MAST1: variants seen among roughly 807,000 people sequenced by gnomAD.
MAST1 encodes microtubule-associated serine/threonine-protein kinase 1.
A neutral mutation model predicts 124.6 loss-of-function variants in MAST1; 40 were observed. That is an observed-to-expected ratio of 0.32 (90% CI 0.25 to 0.42). The LOEUF (loss-of-function observed/expected upper bound fraction) is 0.42. Among genes scored for constraint, MAST1 ranks in the 10% least tolerant of loss-of-function variants. The pLI is 1.00. For missense variants in MAST1, 1,558 were observed against 2,181.9 expected (o/e 0.71, Z 5.70); for synonymous variants, 938 against 939.4 (o/e 1.00, Z 0.03).
intron 7 of MAST1, among the ~76,000 whole-genome samples, chr19:12,849,860 C>G (rs557795532): frequency 6.6e-6 from 1 of 151,646 alleles, no homozygotes; most frequent in Admixed American, 6.6e-5. Flanking sequence ...TGCAGTGGTG[C>G]GATTTTGGCT....
At position 12,840,605 on chromosome 19, in the gene MAST1, G is replaced by A. The variant is rs537663996; in HGVS notation, c.172+71G>A. On this transcript the variant is annotated intron_variant, in intron 2 of 25. Transcript: ENST00000251472. ...TAGGCGGGGCCTCAGGCGAGGAAGC[G>A]TGGTCATGCTACAGAAGGGGCGCAG... is the stretch of plus-strand genomic sequence containing the variant. 12 of 1,149,378 alleles carry A rather than the reference G, an allele frequency of 1.0e-5. No individual in the cohort carries two copies. In the Admixed American group the frequency reaches 2.2e-4, roughly 21 times the overall value. The allele number at this position is 1,149,378 out of a possible 1,614,324, so 71.2% of individuals were successfully genotyped here. A position where few individuals can be genotyped will look rare whatever the true frequency, so the allele number is the denominator to read the frequency against.
chr19:12,846,155 T>C (rs1257006879), intron 4 of MAST1, among the ~76,000 whole-genome samples: 3 of 152,112 alleles, frequency 2.0e-5, no homozygotes, highest in Non-Finnish European at 2.9e-5. Flanking sequence ...TGAGCCATGA[T>C]TGTACTACAT....
chr19:12,859,861 T>C (rs916308672), intron 12 of MAST1, among the ~76,000 whole-genome samples: 1 of 151,712 alleles, frequency 6.6e-6, no homozygotes, highest in Non-Finnish European at 1.5e-5. Flanking sequence ...TGTTTTTTGT[T>C]TTTTTTTGTT....
chr19:12,843,639 G>A lies in MAST1; in HGVS notation c.327+32G>A. The A allele has an allele frequency of 6.2e-7, 1 of 1,601,564 alleles. No homozygotes were observed. Among genetic ancestry groups the A allele is most frequent in the Non-Finnish European group, 8.5e-7 (1 of 1,171,198 alleles). ...GTGGAAAGTAGGTGGGTGGGCCGGTGGGTAAGGAATTCAGGGGCCCTCCAG... is the reference window on the plus strand; with the variant it reads ...GTGGAAAGTAGGTGGGTGGGCCGGTAGGTAAGGAATTCAGGGGCCCTCCAG... On this transcript the variant is annotated intron_variant, in intron 4 of 25. Coordinates refer to ENST00000251472, the MANE Select transcript of MAST1 (RefSeq NM_014975.3). This position sits in a 1 kb window ranked among gnomAD's most constrained non-coding sequence, Gnocchi z 4.9.
intron 10 of MAST1, among the ~76,000 whole-genome samples, chr19:12,855,386 C>A (rs1018023835): frequency 6.6e-6 from 1 of 152,026 alleles, no homozygotes; most frequent in Non-Finnish European, 1.5e-5. Context: ...CTTTGGGAAG[C>A]CAAGGTGGCA....
Position 12,847,425 on chromosome 19 carries a change from G to A in MAST1, c.463G>A (p.Val155Met), listed in dbSNP as rs775623089. 1.2e-6 allele frequency: 2 copies of A among 1,613,694 alleles called. No individual in the cohort carries two copies. The highest frequency in any genetic ancestry group is 1.3e-5 in the African/African-American group (1 of 74,982). The change falls in exon 5 of 26, where the codon GTG (valine) becomes ATG (methionine). Residue 155 changes from valine (V) to methionine (M), a missense_variant. Physicochemically the swap from Val to Met is conservative, Grantham distance 21 (BLOSUM62 1). Around this residue, in one of 10 missense-constraint regions of MAST1, gnomAD observed 165 missense variants for 315.3 expected, o/e 0.52. Coordinates refer to ENST00000251472, the MANE Select transcript of MAST1 (RefSeq NM_014975.3). This position sits in a 1 kb window ranked among gnomAD's most constrained non-coding sequence, Gnocchi z 5.5. ...GGATGGTGGCCGTCGCTCCCCAGCC[G>A]TGCGGCCCCGCTCACGGAGCCTCAG... ...DEDGGRRSPA[V>M]RPRSRSLSPG... is the part of the protein sequence containing the mutation.
chr19:12,860,218 C>T (rs1970063298), intron 12 of MAST1, among the ~76,000 whole-genome samples: 1 of 151,724 alleles, frequency 6.6e-6, no homozygotes, highest in Non-Finnish European at 1.5e-5. Context: ...AGGTTCACAC[C>T]ATTCTCCTGC....
In MAST1 at chr19:12,865,283, T is replaced by G. The variant is rs1360854756; in HGVS notation, c.1639-33T>G. ...CAGCTCTCCCTTGAGGGCCCTCCTC[T>G]GGCTGGGGCGTGGGCTGACAGCCTG... On this transcript the variant is annotated intron_variant, in intron 14 of 25. Transcript: ENST00000251472. This position sits in a 1 kb window ranked among gnomAD's most constrained non-coding sequence, Gnocchi z 7.1. The G allele has an allele frequency of 1.9e-6, 3 of 1,578,392 alleles. No individual in the cohort carries two copies. Among genetic ancestry groups the G allele is most frequent in the Non-Finnish European group, 2.6e-6 (3 of 1,161,780 alleles).
At position 12,867,962 on chromosome 19, in the gene MAST1, G is replaced by C; in HGVS notation, c.2551G>C (p.Gly851Arg). ...ETQGEGTSSA[G>R]DSEATDRPRP... ...TCAAGGGGAAGGCACCTCCAGCGCC[G>C]GGGACTCCGAGGCCAGTGAGTGCCC... The change falls in exon 20 of 26, where the codon GGG (glycine) becomes CGG (arginine). Residue 851 changes from glycine (G) to arginine (R), a missense_variant. Physicochemically the swap from Gly to Arg is moderately radical, Grantham distance 125 (BLOSUM62 -2). Around this residue, in one of 10 missense-constraint regions of MAST1, gnomAD observed 287 missense variants for 308.0 expected, o/e 0.93. Coordinates refer to ENST00000251472, the MANE Select transcript of MAST1 (RefSeq NM_014975.3). The C allele has an allele frequency of 6.4e-7, 1 of 1,553,762 alleles. No individual in the cohort carries two copies. The highest frequency in any genetic ancestry group is 8.7e-7 in the Non-Finnish European group (1 of 1,152,890).
intron 7 of MAST1, among the ~76,000 whole-genome samples, chr19:12,849,908 C>A (rs1969941308): frequency 6.6e-6 from 1 of 151,942 alleles, no homozygotes. Flanking sequence ...AGCCATTCTC[C>A]TGCCTCAGCC....
At chr19:12,854,403 G>A (rs376449849) in intron 10 of MAST1, among the ~76,000 whole-genome samples, 1 of 152,152 alleles carries the variant, frequency 6.6e-6, no homozygotes, top group African/African-American at 2.4e-5. Flanking sequence ...GATTACAGGC[G>A]TGAGCCACAT....
intron 21 of MAST1, 62 bp from the exon 22 acceptor site, chr19:12,869,001 GAGC>G: frequency 6.4e-7 from 1 of 1,564,548 alleles, no homozygotes; most frequent in South Asian, 1.1e-5. Context: ...GAGGAGGGAG[GAGC>G]AGATACAGGG....
Position 12,838,847 on chromosome 19 carries a change from T to G in MAST1, c.83+192T>G. ...GGCCGAGTCTGGGGGGCTTGCACGC[T>G]GGAGAGGACGGCCGCGGGGGGAGGG... On this transcript the variant is annotated intron_variant, in intron 1 of 25. Transcript: ENST00000251472. The surrounding 1 kb of genome is among the most constrained non-coding windows in gnomAD (Gnocchi z 4.3). Among the ~76,000 whole-genome samples the G allele has an allele frequency of 7.8e-6, 1 of 128,034 alleles. No individual in the cohort carries two copies. 84.0% of individuals were successfully genotyped at this position (128,034 alleles called of 152,430 possible).
intron 12 of MAST1, among the ~76,000 whole-genome samples, chr19:12,864,225 C>A (rs1300394444): frequency 6.6e-6 from 1 of 151,990 alleles, no homozygotes; most frequent in East Asian, 1.9e-4. Context: ...CCATGCCCAG[C>A]CTTGAACAAT....
In MAST1 at chr19:12,868,819, G is replaced by A; in HGVS notation, c.2743G>A (p.Ala915Thr). Reference sequence around the variant, plus strand: ...GGGCAAAGTCATCAAATCAGCCTCAGCCACTGCCTTATCTGTCATGATTCC... The same window carrying A: ...GGGCAAAGTCATCAAATCAGCCTCAACCACTGCCTTATCTGTCATGATTCC... ...TGGKVIKSASATALSVMIPAV... is the reference protein window; with the variant it reads ...TGGKVIKSASTTALSVMIPAV... Residue 915 changes from alanine to threonine, a missense_variant, in exon 21 of 26, where the codon GCC becomes ACC. Around this residue, in one of 10 missense-constraint regions of MAST1, gnomAD observed 291 missense variants for 475.8 expected, o/e 0.61. Transcript: ENST00000251472. 6.3e-7 allele frequency: 1 copy of A among 1,596,774 alleles called. No homozygotes were observed. The highest frequency in any genetic ancestry group is 8.5e-7 in the Non-Finnish European group (1 of 1,170,064).
At position 12,858,838 on chromosome 19, in the gene MAST1, C is replaced by T. The variant is rs184551790; in HGVS notation, c.1366+99C>T. 1,707 of 1,127,028 alleles carry T rather than the reference C, an allele frequency of 1.5e-3. 20 individuals carry two copies. The Admixed American group carries it at 0.016, about 11-fold the overall frequency. 69.8% of individuals were successfully genotyped at this position (1,127,028 alleles called of 1,614,324 possible). A position where few individuals can be genotyped will look rare whatever the true frequency, so the allele number is the denominator to read the frequency against. On this transcript the variant is annotated intron_variant, in intron 12 of 25. Transcript: ENST00000251472. ...AGCCGCAGTCTCCATATTGATTAGT[C>T]GGCCTGTATGTTTATCCATCTATTT...
intron 4 of MAST1, among the ~76,000 whole-genome samples, chr19:12,844,364 G>C (rs6511842): frequency 6.6e-6 from 1 of 152,026 alleles, no homozygotes; most frequent in Non-Finnish European, 1.5e-5. Flanking sequence ...GCAGACATTT[G>C]TCATGAGATT....
At chr19:12,870,796 C>G (rs1970224115) in intron 22 of MAST1, 28 bp from the exon 23 acceptor site, 3 of 1,574,400 alleles carry the variant, frequency 1.9e-6, no homozygotes, top group East Asian at 2.3e-5. Context: ...CCCACTAACC[C>G]TGTCCCTATG....
rs149277170 is a variant in MAST1 at position 12,865,826 on chromosome 19, C to T, written c.1906+8C>T. On this transcript the variant is annotated splice_region_variant and intron_variant, in intron 16 of 25. Coordinates refer to ENST00000251472, the MANE Select transcript of MAST1 (RefSeq NM_014975.3). The surrounding 1 kb of genome is among the most constrained non-coding windows in gnomAD (Gnocchi z 7.1). ...TGGTCAGGCTTGGGGCAGGTAAGTC[C>T]GCCATGCAGAGGAGCTGAGGGCCCA... is the stretch of plus-strand genomic sequence containing the variant. 2.5e-4 allele frequency: 395 copies of T among 1,611,318 alleles called. No homozygotes were observed. In the East Asian group the frequency reaches 3.4e-3, roughly 14 times the overall value.
Sources: gnomAD v4.1 joint callset for allele counts (sites outside exome capture counted in the v4.1 genomes callset) on GRCh38, gnomAD v4.1.1 for gene constraint, gnomAD v4.1.1 regional missense constraint, Gnocchi (gnomAD v3.1) non-coding constraint, MANE v1.5 for transcripts, NCBI Gene and HGNC (gene_info 2026-07-23, HGNC 2026-07-21) for gene names.